The following DRAM1 variants were observed in gnomAD, a reference collection of about 807,000 sequenced individuals.
The protein encoded by DRAM1 is DNA damage regulated autophagy modulator 1.
A neutral mutation model predicts 28.5 loss-of-function variants in DRAM1; 25 were observed. The ratio of observed to expected loss-of-function variants is 0.88; its 90% CI spans 0.64 to 1.23. The LOEUF (loss-of-function observed/expected upper bound fraction) is 1.23, where lower values mean the gene tolerates loss of function less well. DRAM1 is among the 50% of genes most tolerant of loss of function. The probability of loss-of-function intolerance (pLI) is 0.00; values close to 1 mark genes in which losing one functional copy is unlikely to be tolerated. For missense variants in DRAM1, 249 were observed against 299.2 expected, an observed-to-expected ratio of 0.83 and a Z score of 1.24; for synonymous variants, 113 against 114.2, an observed-to-expected ratio of 0.99 and a Z score of 0.07.
intron 1 of DRAM1, among the ~76,000 whole-genome samples, chr12:101,887,219 G>A (rs145449003): frequency 9.9e-5 from 15 of 152,084 alleles, no homozygotes; most frequent in African/African-American, 3.4e-4. Context: ...AAAATTTGTA[G>A]CCTTTTTGGT....
intron 4 of DRAM1, among the ~76,000 whole-genome samples, chr12:101,909,009 C>A (rs539107482): frequency 6.6e-6 from 1 of 150,690 alleles, no homozygotes; most frequent in African/African-American, 2.4e-5. Flanking sequence ...CGCCTGTAAT[C>A]CCAGCACTTT....
intron 5 of DRAM1, among the ~76,000 whole-genome samples, chr12:101,919,277 C>T (rs11837462): frequency 7.1e-6 from 1 of 141,392 alleles, no homozygotes; most frequent in Non-Finnish European, 1.6e-5. Context: ...CACACAGACA[C>T]ACACACGCAC....
intron 1 of DRAM1, among the ~76,000 whole-genome samples, chr12:101,889,888 C>T (rs1301153504): frequency 5.1e-5 from 7 of 137,898 alleles, no homozygotes; most frequent in Non-Finnish European, 9.1e-5. Context: ...TGCAGTGAGC[C>T]GAGATCGTGC....
chr12:101,881,841 A>G (rs1872697666), intron 1 of DRAM1, among the ~76,000 whole-genome samples: 1 of 152,080 alleles, frequency 6.6e-6, no homozygotes, highest in Non-Finnish European at 1.5e-5. Context: ...CCTTCTAACA[A>G]ATCATGTGAT....
At chr12:101,898,466 G>A in intron 2 of DRAM1, among the ~76,000 whole-genome samples, 1 of 152,172 alleles carries the variant, frequency 6.6e-6, no homozygotes, top group Non-Finnish European at 1.5e-5. Context: ...TTTGCTGTAG[G>A]TGGTTTTAAA....
At chr12:101,913,640 A>G (rs956855876) in intron 4 of DRAM1, among the ~76,000 whole-genome samples, 2 of 129,762 alleles carry the variant, frequency 1.5e-5, no homozygotes, top group African/African-American at 5.9e-5. Flanking sequence ...CAGGAGGTGG[A>G]GGTTGCAGTG....
intron 1 of DRAM1, among the ~76,000 whole-genome samples, chr12:101,878,512 A>G (rs1460981170): frequency 6.6e-6 from 1 of 152,178 alleles, no homozygotes; most frequent in Admixed American, 6.5e-5. Context: ...AATTCTCTGG[A>G]GCTGCACCAG....
At chr12:101,911,910 A>G (rs12302035) in intron 4 of DRAM1, among the ~76,000 whole-genome samples, 13,831 of 152,192 alleles carry the variant, frequency 0.091, 1,243 homozygotes, top group East Asian at 0.24. Context: ...AAGATATATT[A>G]TTAAAATTAA....
chr12:101,895,713 G>A (rs1392954260), intron 1 of DRAM1, among the ~76,000 whole-genome samples: 3 of 150,448 alleles, frequency 2.0e-5, no homozygotes, highest in African/African-American at 4.9e-5. Context: ...TGGGATTACC[G>A]GCGTCTGCCA....
intron 1 of DRAM1, among the ~76,000 whole-genome samples, chr12:101,882,529 G>GT (rs1872726577): frequency 6.6e-6 from 1 of 151,242 alleles, no homozygotes; most frequent in Non-Finnish European, 1.5e-5. Context: ...CTTTCTCCTT[G>GT]TAACATTGTT....
chr12:101,893,999 T>C (rs11111075), intron 1 of DRAM1, among the ~76,000 whole-genome samples: 24,509 of 151,982 alleles, frequency 0.16, 2,711 homozygotes, highest in African/African-American at 0.31. Context: ...GGCATGATCT[T>C]GGCTCACTGC....
intron 1 of DRAM1, among the ~76,000 whole-genome samples, chr12:101,883,694 T>C (rs1476334092): frequency 6.6e-6 from 1 of 151,434 alleles, no homozygotes; most frequent in Non-Finnish European, 1.5e-5. Flanking sequence ...TCCCAGCACT[T>C]TGGGAGGCCA....
intron 4 of DRAM1, among the ~76,000 whole-genome samples, chr12:101,912,768 C>G (rs1874092112): frequency 1.3e-5 from 2 of 148,556 alleles, no homozygotes; most frequent in Admixed American, 1.3e-4. Flanking sequence ...GAGTCTCACC[C>G]TGTTGCCCAG....
At chr12:101,917,669 G>C (rs915460867) in intron 5 of DRAM1, among the ~76,000 whole-genome samples, 1 of 146,200 alleles carries the variant, frequency 6.8e-6, no homozygotes, top group African/African-American at 2.6e-5. Context: ...ACTCCAGCCT[G>C]TGCAACAAGA....
chr12:101,877,803 T>G lies in DRAM1; in HGVS notation c.14T>G (p.Leu5Arg). The change falls in exon 1 of 7, where the codon CTG (leucine) becomes CGG (arginine). Residue 5 changes from leucine (L) to arginine (R), a missense_variant. By Grantham distance (102) the Leu-to-Arg change is moderately radical. Coordinates refer to ENST00000258534, the MANE Select transcript of DRAM1 (RefSeq NM_018370.3). The surrounding 1 kb of genome is among the most constrained non-coding windows in gnomAD (Gnocchi z 4.1). ...GGCGGCGGCGCGATGCTGTGCTTCCTGAGGGGAATGGCTTTCGTCCCCTTC... is the reference window on the plus strand; with the variant it reads ...GGCGGCGGCGCGATGCTGTGCTTCCGGAGGGGAATGGCTTTCGTCCCCTTC... MLCFLRGMAFVPFLL... is the reference protein window; with the variant it reads MLCFRRGMAFVPFLL... 6.5e-7 allele frequency: 1 copy of G among 1,535,560 alleles called. No individual in the cohort carries two copies. Among genetic ancestry groups the G allele is most frequent in the Non-Finnish European group, 8.8e-7 (1 of 1,139,360 alleles).
chr12:101,879,575 C>T (rs1045683665), intron 1 of DRAM1, among the ~76,000 whole-genome samples: 4 of 152,208 alleles, frequency 2.6e-5, no homozygotes, highest in Non-Finnish European at 4.4e-5. Flanking sequence ...GCCACCACGC[C>T]TGGCCCTCCC....
intron 5 of DRAM1, among the ~76,000 whole-genome samples, chr12:101,916,150 G>A (rs1354020693): frequency 6.6e-6 from 1 of 152,242 alleles, no homozygotes; most frequent in Non-Finnish European, 1.5e-5. Flanking sequence ...AAATAATTTA[G>A]TAGGTGGAAG....
At chr12:101,883,660 G>T (rs539162061) in intron 1 of DRAM1, among the ~76,000 whole-genome samples, 5 of 151,196 alleles carry the variant, frequency 3.3e-5, no homozygotes, top group Non-Finnish European at 7.4e-5. Context: ...GAGGCCGGGC[G>T]CAGTGGCTCA....
At chr12:101,912,713 A>C (rs1486228504) in intron 4 of DRAM1, among the ~76,000 whole-genome samples, 2 of 150,974 alleles carry the variant, frequency 1.3e-5, no homozygotes, top group Non-Finnish European at 2.9e-5. Flanking sequence ...GGAGGCTCTA[A>C]ACTTTCCTTG....
Sources: allele counts gnomAD v4.1 joint callset (sites outside exome capture counted in the v4.1 genomes callset), GRCh38; gene constraint gnomAD v4.1.1; non-coding constraint Gnocchi (gnomAD v3.1); transcripts MANE v1.5; gene names NCBI Gene and HGNC (gene_info 2026-07-23, HGNC 2026-07-21).